Variants in CASP8 observed in about 807,000 individuals in gnomAD.
The protein encoded by CASP8 is caspase 8, also known as caspase-8.
In CASP8, 24 loss-of-function variants were observed where a neutral mutation model predicts 46.3. The ratio of observed to expected loss-of-function variants is 0.52; its 90% CI spans 0.38 to 0.73. CASP8 has a LOEUF of 0.73. Among genes scored for constraint, CASP8 ranks in the 30% least tolerant of loss-of-function variants. The pLI, the probability that CASP8 is intolerant of heterozygous loss-of-function variation, is 0.00. For synonymous variants in CASP8, 188 were observed against 200.4 expected (o/e 0.94, Z 0.52); for missense variants, 460 against 559.0 (o/e 0.82, Z 1.79).
chr2:201,244,270 A>G (rs1313054604), intron 2 of CASP8, among the ~76,000 whole-genome samples: 5 of 152,240 alleles, frequency 3.3e-5, no homozygotes, highest in African/African-American at 1.2e-4. Context: ...TGGCACAGGA[A>G]CAAAATATTT....
In CASP8 at chr2:201,263,365, G is replaced by A. The variant is rs145192353; in HGVS notation, c.-27+2752G>A. Among the ~76,000 whole-genome samples, 75 of 152,234 alleles carry A rather than the reference G, an allele frequency of 4.9e-4. 2 individuals carry two copies. Among genetic ancestry groups the A allele is most frequent in the Admixed American group, 1.4e-3 (22 of 15,290 alleles). On this transcript the variant is annotated intron_variant, in intron 1 of 8. Coordinates refer to ENST00000673742, the MANE Select transcript of CASP8 (RefSeq NM_001372051.1). ...CATCTCTAAGATTAAGTGCCTTACA[G>A]ATATTAAAACCCATGCTGTAGAAGA...
intron 7 of CASP8, chr2:201,281,794 G>C: frequency 7.6e-7 from 1 of 1,323,358 alleles, no homozygotes; most frequent in Admixed American, 2.2e-5. Context: ...AGAGAAAACA[G>C]ACCAACAATA....
chr2:201,263,814 G>C (rs1947598080), intron 1 of CASP8, among the ~76,000 whole-genome samples: 1 of 152,178 alleles, frequency 6.6e-6, no homozygotes, highest in Admixed American at 6.5e-5. Flanking sequence ...TCCAGCATGT[G>C]AATAAGAATG....
chr2:201,279,586 C>T (rs748764716), intron 7 of CASP8, among the ~76,000 whole-genome samples: 1 of 152,154 alleles, frequency 6.6e-6, no homozygotes, highest in African/African-American at 2.4e-5. Flanking sequence ...AGCTTTCAGT[C>T]GACTTTTTAA....
intron 6 of CASP8, among the ~76,000 whole-genome samples, chr2:201,275,888 T>G (rs1259272261): frequency 6.6e-6 from 1 of 152,218 alleles, no homozygotes; most frequent in Non-Finnish European, 1.5e-5. Flanking sequence ...TCTTAGTGTC[T>G]TAGTATCTCA....
Position 201,274,926 on chromosome 2 carries a change from T to C in CASP8, c.633T>C (p.Ser211=), listed in dbSNP as rs1281654410. ...ELCGVMTISD[S]PREQDSESQT... ...GTGGGGTAATGACAATCTCGGACTCTCCAAGAGAACAGGATAGTGAATCAC... is the reference window on the plus strand; with the variant it reads ...GTGGGGTAATGACAATCTCGGACTCCCCAAGAGAACAGGATAGTGAATCAC... The change falls in exon 6 of 9, where the codon TCT becomes TCC. Residue 211 remains serine (S), a synonymous_variant. Transcript: ENST00000673742. 1.9e-6 allele frequency: 3 copies of C among 1,613,412 alleles called. No individual in the cohort carries two copies. Among genetic ancestry groups the C allele is most frequent in the East Asian group, 2.2e-5 (1 of 44,876 alleles).
In CASP8 at chr2:201,285,121, C is replaced by G; in HGVS notation, c.1108C>G (p.Pro370Ala). 1 of 1,614,128 alleles carries G rather than the reference C, an allele frequency of 6.2e-7. No homozygotes were observed. The highest frequency in any genetic ancestry group is 1.7e-5 in the Admixed American group (1 of 60,014). The change falls in exon 8 of 9, where the codon CCT becomes GCT. Residue 370 changes from proline to alanine, a missense_variant. Physicochemically the swap from Pro to Ala is conservative, Grantham distance 27. Transcript: ENST00000673742. ...GGGGGATAACTACCAGAAAGGTATA[C>G]CTGTTGAGACTGATTCAGAGGAGCA... ...CQGDNYQKGI[P>A]VETDSEEQPY...
intron 7 of CASP8, among the ~76,000 whole-genome samples, chr2:201,281,503 A>G (rs1376367336): frequency 2.0e-5 from 3 of 152,148 alleles, no homozygotes; most frequent in Admixed American, 6.5e-5. Flanking sequence ...AGTGGTTAAA[A>G]ACTGAAAGTG....
Position 201,270,038 on chromosome 2 carries a change from G to A in CASP8, c.306-1478G>A, listed in dbSNP as rs536630452. Among the ~76,000 whole-genome samples, 15 of 152,194 alleles carry A rather than the reference G, an allele frequency of 9.9e-5. 1 individual carries two copies. Among genetic ancestry groups the A allele is most frequent in the African/African-American group, 2.9e-4 (12 of 41,526 alleles). On this transcript the variant is annotated intron_variant, in intron 2 of 8. Coordinates refer to ENST00000673742, the MANE Select transcript of CASP8 (RefSeq NM_001372051.1). ...AATACTGAGTAATTTCTGTTTCTAC[G>A]CCATTTTTATTTTCAGAATTTTACT...
intron 2 of CASP8, chr2:201,242,008 C>T (rs189524913): frequency 5.3e-5 from 8 of 152,216 alleles, no homozygotes; most frequent in Admixed American, 1.3e-4. Flanking sequence ...AATACCCTTT[C>T]GTGATTAAAC....
chr2:201,285,419 A>G (rs1264312908), intron 8 of CASP8, 102 bp downstream of exon 8: 12 of 1,414,152 alleles, frequency 8.5e-6, no homozygotes, highest in African/African-American at 5.6e-5. Context: ...AGAAAGTGCT[A>G]TGTGATTTAG....
chr2:201,264,945 GCCAGC>G (rs1947691956), intron 1 of CASP8, among the ~76,000 whole-genome samples: 1 of 152,200 alleles, frequency 6.6e-6, no homozygotes, highest in African/African-American at 2.4e-5. Flanking sequence ...AGGGCTGGGG[GCCAGC>G]TCCCTGCAGG....
At chr2:201,269,209 G>A (rs1223883262) in intron 2 of CASP8, among the ~76,000 whole-genome samples, 2 of 152,072 alleles carry the variant, frequency 1.3e-5, no homozygotes, top group African/African-American at 4.8e-5. Context: ...CAAGTTCTGG[G>A]ATTACGGGCA....
intron 7 of CASP8, among the ~76,000 whole-genome samples, chr2:201,280,689 A>T (rs539807066): frequency 1.3e-5 from 2 of 152,356 alleles, no homozygotes; most frequent in South Asian, 2.1e-4. Context: ...GAAACAGGGA[A>T]CCTACTATGG....
chr2:201,269,722 TA>T, intron 2 of CASP8: 2 of 718,504 alleles, frequency 2.8e-6, no homozygotes, highest in South Asian at 1.5e-5. Flanking sequence ...ATAAATATGC[TA>T]GGGTGACCAC....
rs35976359 is a variant in CASP8, at chr2:201,274,948, T to G, written c.655T>G (p.Ser219Ala). 4 of 1,608,858 alleles carry G rather than the reference T, an allele frequency of 2.5e-6. No individual in the cohort carries two copies. The highest frequency in any genetic ancestry group is 3.4e-6 in the Non-Finnish European group (4 of 1,175,534). ...SDSPREQDSE[S>A]QTLDKVYQMK... Reference sequence around the variant, plus strand: ...CTCTCCAAGAGAACAGGATAGTGAATCACAGGTAGACGGAAACCTCCAAAT... The same window carrying G: ...CTCTCCAAGAGAACAGGATAGTGAAGCACAGGTAGACGGAAACCTCCAAAT... The change falls in exon 6 of 9, where the codon TCA becomes GCA. Residue 219 changes from serine to alanine, a missense_variant. By Grantham distance (99) the Ser-to-Ala change is moderately conservative (BLOSUM62 1). Transcript: ENST00000673742.
chr2:201,235,530 T>C (rs949621901), intron 2 of CASP8, among the ~76,000 whole-genome samples: 1 of 152,212 alleles, frequency 6.6e-6, no homozygotes, highest in East Asian at 1.9e-4. Context: ...TTTAGAAAGT[T>C]CACCTTACTC....
rs1428116609 is a variant in CASP8, at chr2:201,272,011, TTCTC to T, written c.411+392_411+395del. On this transcript the variant is annotated intron_variant, in intron 3 of 8. Transcript: ENST00000673742. This position sits in a 1 kb window ranked among gnomAD's most constrained non-coding sequence, Gnocchi z 4.4. ...TGTATTTCCGTGTCTGTGTGTGCCT[TTCTC>T]TGTGTATAGTGTGTGTCTGTATTTG... Among the ~76,000 whole-genome samples the T allele has an allele frequency of 2.4e-4, 36 of 152,120 alleles. No individual in the cohort carries two copies. The highest frequency in any genetic ancestry group is 8.7e-4 in the African/African-American group (36 of 41,496).
Position 201,285,017 on chromosome 2 carries a change from A to G in CASP8, c.1004A>G (p.Glu335Gly), listed in dbSNP as rs552371147. Reference protein sequence around the residue: ...GTDGQEAPIYELTSQFTGLKC... With the variant: ...GTDGQEAPIYGLTSQFTGLKC... ...GATGGACAGGAGGCCCCCATCTATG[A>G]GCTGACATCTCAGTTCACTGGTTTG... The change falls in exon 8 of 9, where the codon GAG becomes GGG. Residue 335 changes from glutamate (E) to glycine (G), a missense_variant. Physicochemically the swap from Glu to Gly is moderately conservative, Grantham distance 98 (BLOSUM62 -2). Coordinates refer to ENST00000673742, the MANE Select transcript of CASP8 (RefSeq NM_001372051.1). 6.2e-7 allele frequency: 1 copy of G among 1,614,170 alleles called. No homozygotes were observed. Among genetic ancestry groups the G allele is most frequent in the Non-Finnish European group, 8.5e-7 (1 of 1,180,034 alleles).
Sources: gnomAD v4.1 joint callset for allele counts (sites outside exome capture counted in the v4.1 genomes callset) on GRCh38, gnomAD v4.1.1 for gene constraint, Gnocchi (gnomAD v3.1) non-coding constraint, MANE v1.5 for transcripts, NCBI Gene and HGNC (gene_info 2026-07-23, HGNC 2026-07-21) for gene names.